The following ASTN2 variants were observed in gnomAD, a reference collection of about 807,000 sequenced individuals.
ASTN2 encodes the protein astrotactin 2, also known as astrotactin-2.
In ASTN2, 54 loss-of-function variants were observed where a neutral mutation model predicts 139.8. That is an observed-to-expected ratio of 0.39 (90% CI 0.31 to 0.48). The LOEUF (loss-of-function observed/expected upper bound fraction) is 0.48. Ranked by LOEUF, ASTN2 falls within the 20% of genes least tolerant of loss-of-function variation. ASTN2 has a pLI of 0.95. For synonymous variants in ASTN2, 756 were observed against 719.5 expected (o/e 1.05, Z -0.81); for missense variants, 1,565 against 1,725.1 (o/e 0.91, Z 1.64).
chr9:116,432,115 T>C (rs1223925205), intron 22 of ASTN2, among the ~76,000 whole-genome samples: 5 of 152,188 alleles, frequency 3.3e-5, no homozygotes, highest in Non-Finnish European at 7.3e-5. Flanking sequence ...AGAAATATCA[T>C]CTGATGACCA....
intron 19 of ASTN2, among the ~76,000 whole-genome samples, chr9:116,616,484 C>T (rs1855861311): frequency 6.6e-6 from 1 of 152,188 alleles, no homozygotes; most frequent in Non-Finnish European, 1.5e-5. Context: ...ATAAGACAGA[C>T]CTGGTTACAA....
At chr9:116,440,028 C>A (rs1847794794) in intron 22 of ASTN2, among the ~76,000 whole-genome samples, 1 of 152,200 alleles carries the variant, frequency 6.6e-6, no homozygotes, top group Non-Finnish European at 1.5e-5. Flanking sequence ...ATTGCATATA[C>A]TGCTTTATGA....
chr9:116,649,308 C>T (rs981793023), intron 17 of ASTN2, among the ~76,000 whole-genome samples: 4 of 151,906 alleles, frequency 2.6e-5, no homozygotes, highest in Admixed American at 1.3e-4. Flanking sequence ...CATGGTGGCT[C>T]TTGCCTGTAA....
chr9:116,997,192 C>T (rs7041672), intron 7 of ASTN2, among the ~76,000 whole-genome samples: 4,628 of 152,134 alleles, frequency 0.03, 223 homozygotes, highest in African/African-American at 0.1. Context: ...TGTAGTTTAC[C>T]CTAACCTTCT....
chr9:117,356,831 G>A (rs555730982), intron 1 of ASTN2, among the ~76,000 whole-genome samples: 112 of 152,260 alleles, frequency 7.4e-4, no homozygotes, highest in Admixed American at 2.1e-3. Context: ...GGGAGGCTGA[G>A]GTGGGTGAAT....
At position 116,655,710 on chromosome 9, in the gene ASTN2, T is replaced by C. The variant is rs555982003; in HGVS notation, c.2807-3917A>G. Among the ~76,000 whole-genome samples, 3 of 152,230 alleles carry C rather than the reference T, an allele frequency of 2.0e-5. No individual in the cohort carries two copies. In the South Asian group the frequency reaches 6.2e-4, roughly 32 times the overall value. On this transcript the variant is annotated intron_variant, in intron 16 of 22. Coordinates refer to ENST00000313400, the MANE Select transcript of ASTN2 (RefSeq NM_001365068.1). ...CGTACACCAAGATTTTTTTTATATA[T>C]ATACAGCGTCTCACTCTGTCACTTG...
intron 19 of ASTN2, among the ~76,000 whole-genome samples, chr9:116,518,715 T>C (rs980332725): frequency 6.6e-6 from 1 of 152,144 alleles, no homozygotes. Flanking sequence ...ACTTAAAAGA[T>C]ACAGAATGGC....
intron 1 of ASTN2, among the ~76,000 whole-genome samples, chr9:117,310,503 C>T (rs1362623935): frequency 1.3e-5 from 2 of 152,214 alleles, no homozygotes; most frequent in African/African-American, 4.8e-5. Context: ...CCAGAAATGT[C>T]ATGGAGTTTT....
chr9:116,986,946 C>T (rs886952215), intron 7 of ASTN2, among the ~76,000 whole-genome samples: 3 of 152,214 alleles, frequency 2.0e-5, no homozygotes, highest in Non-Finnish European at 4.4e-5. Flanking sequence ...ATACTGCAGG[C>T]ACAGCCAGAA....
intron 3 of ASTN2, among the ~76,000 whole-genome samples, chr9:117,190,103 T>C (rs1205045287): frequency 2.1e-4 from 32 of 152,122 alleles, no homozygotes; most frequent in Non-Finnish European, 2.1e-4. Context: ...AATCAGGTGG[T>C]GTTCCTGATG....
intron 4 of ASTN2, among the ~76,000 whole-genome samples, chr9:117,114,133 G>A (rs1282564202): frequency 6.6e-6 from 1 of 150,886 alleles, no homozygotes; most frequent in East Asian, 1.9e-4. Flanking sequence ...ATACTTTGGG[G>A]AATTTTAGAA....
At chr9:117,219,330 C>T (rs73533199) in intron 2 of ASTN2, among the ~76,000 whole-genome samples, 25,440 of 152,030 alleles carry the variant, frequency 0.17, 2,339 homozygotes, top group South Asian at 0.28. Context: ...GTGTGTCCAG[C>T]CTCTGAGTCC....
intron 19 of ASTN2, among the ~76,000 whole-genome samples, chr9:116,564,415 A>G (rs1183842845): frequency 6.6e-6 from 1 of 152,110 alleles, no homozygotes; most frequent in African/African-American, 2.4e-5. Flanking sequence ...CACCCTAAAC[A>G]TCTCATTCAT....
chr9:116,687,071 G>T (rs1452583116), intron 16 of ASTN2: 2 of 1,255,528 alleles, frequency 1.6e-6, no homozygotes, highest in African/African-American at 3.0e-5. Context: ...CTTACTGAGT[G>T]AACTTGAGCA....
At chr9:117,404,550 G>A (rs552245153) in intron 1 of ASTN2, among the ~76,000 whole-genome samples, 25 of 152,214 alleles carry the variant, frequency 1.6e-4, no homozygotes, top group African/African-American at 4.1e-4. Context: ...AATATATTAC[G>A]TATGTGTGTG....
intron 1 of ASTN2, among the ~76,000 whole-genome samples, chr9:117,340,760 T>C (rs574255148): frequency 2.0e-5 from 3 of 152,324 alleles, no homozygotes; most frequent in Non-Finnish European, 4.4e-5. Flanking sequence ...CTTTTCTTTA[T>C]GTCTATGTGA....
At chr9:116,526,621 C>CA (rs34222127) in intron 19 of ASTN2, among the ~76,000 whole-genome samples, 59,148 of 137,156 alleles carry the variant, frequency 0.43, 12,415 homozygotes, top group East Asian at 0.59. Context: ...GAACTTGTCT[C>CA]AAAAAAAAAA....
Position 116,711,542 on chromosome 9 carries a change from T to G in ASTN2, c.2806+14229A>C, listed in dbSNP as rs573345403. On this transcript the variant is annotated intron_variant, in intron 16 of 22. Transcript: ENST00000313400. ...ACCTTCTTTTTGATCACCAGATTGG[T>G]GTATACCCAGCTGCCCATTTTATAT... is the stretch of plus-strand genomic sequence containing the variant. Among the ~76,000 whole-genome samples the G allele has an allele frequency of 7.9e-5, 12 of 152,346 alleles. No individual in the cohort carries two copies. In the East Asian group the frequency reaches 2.1e-3, roughly 27 times the overall value.
intron 3 of ASTN2, among the ~76,000 whole-genome samples, chr9:117,165,701 A>T (rs887765757): frequency 7.9e-5 from 12 of 152,076 alleles, no homozygotes; most frequent in African/African-American, 2.9e-4. Context: ...TTCCAGTGGC[A>T]AAATGTCATC....
Sources: gnomAD v4.1 joint callset for allele counts (sites outside exome capture counted in the v4.1 genomes callset) on GRCh38, gnomAD v4.1.1 for gene constraint, MANE v1.5 for transcripts, NCBI Gene and HGNC (gene_info 2026-07-23, HGNC 2026-07-21) for gene names.